Variants in CXADR observed in about 807,000 individuals in gnomAD.
CXADR encodes the protein coxsackievirus and adenovirus receptor.
Under a neutral mutation model 40.3 loss-of-function variants are expected in CXADR, and 20 were observed. That is an observed-to-expected ratio of 0.50 (90% CI 0.35 to 0.72). The LOEUF is 0.72. CXADR is among the 30% of genes least tolerant of loss of function. The pLI, the probability that CXADR is intolerant of heterozygous loss-of-function variation, is 0.01. For missense variants in CXADR, 332 were observed against 449.1 expected, an observed-to-expected ratio of 0.74 and a Z score of 2.36; for synonymous variants, 150 against 161.3, an observed-to-expected ratio of 0.93 and a Z score of 0.53.
chr21:17,630,177 C>A, the CXADR span, among the ~76,000 whole-genome samples: 2 of 152,094 alleles, frequency 1.3e-5, no homozygotes, highest in East Asian at 3.9e-4. Flanking sequence ...TATCAAGAGA[C>A]CTAAGAACAG....
chr21:17,612,168 T>C, the CXADR span: 1 of 152,464 alleles, frequency 6.6e-6, no homozygotes, highest in Non-Finnish European at 1.5e-5. Flanking sequence ...CAATCCCGGT[T>C]TTCCCCAAGT....
chr21:17,563,960 A>AAAAAAAAAAAAAAAAAAAAAAAAAAAAC (rs2061164338), intron 6 of CXADR, among the ~76,000 whole-genome samples: 1 of 149,064 alleles, frequency 6.7e-6, no homozygotes, highest in Non-Finnish European at 1.5e-5. Flanking sequence ...AAAAAAAAAA[A>AAAAAAAAAAAAAAAAAAAAAAAAAAAAC]AGGTATTGAT....
intron 1 of CXADR, among the ~76,000 whole-genome samples, chr21:17,528,587 T>C (rs2060629249): frequency 1.3e-5 from 2 of 151,692 alleles, no homozygotes; most frequent in South Asian, 4.2e-4. Flanking sequence ...TTGTATTTTT[T>C]AGTAGAGACG....
chr21:17,578,299 T>A (rs1453837132), intron 7 of CXADR, among the ~76,000 whole-genome samples: 1 of 152,210 alleles, frequency 6.6e-6, no homozygotes, highest in East Asian at 1.9e-4. Flanking sequence ...TTTGGTTTGT[T>A]TTTGTCTGTT....
At chr21:17,517,004 GAA>G (rs951287508) in intron 1 of CXADR, among the ~76,000 whole-genome samples, 1 of 151,694 alleles carries the variant, frequency 6.6e-6, no homozygotes, top group African/African-American at 2.4e-5. Context: ...GTGTTTGGAT[GAA>G]AAAAAATACA....
the CXADR span, among the ~76,000 whole-genome samples, chr21:17,631,648 G>T: frequency 6.6e-6 from 1 of 152,164 alleles, no homozygotes; most frequent in Admixed American, 6.5e-5. Flanking sequence ...TTCTCTTAGA[G>T]ACCTGGTGAG....
intron 7 of CXADR, among the ~76,000 whole-genome samples, chr21:17,583,391 T>A (rs1472601887): frequency 6.6e-6 from 1 of 152,228 alleles, no homozygotes; most frequent in Non-Finnish European, 1.5e-5. Flanking sequence ...TAGGCTGTTT[T>A]AAATGTTAAA....
chr21:17,592,252 G>A (rs2061444012), intron 7 of CXADR, among the ~76,000 whole-genome samples: 1 of 151,846 alleles, frequency 6.6e-6, no homozygotes, highest in African/African-American at 2.4e-5. Context: ...TATCCTTGGA[G>A]GATTTGTTCC....
chr21:17,569,405 G>A lies in CXADR; in HGVS notation c.*3713G>A, dbSNP rs893240784. 2 of 984,464 alleles carry A rather than the reference G, an allele frequency of 2.0e-6. No homozygotes were observed. Among genetic ancestry groups the A allele is most frequent in the African/African-American group, 3.5e-5 (2 of 57,062 alleles). The allele number at this position is 984,464 out of a possible 1,614,324, so 61.0% of individuals were successfully genotyped here. ...GTACATATATCTTTATAACATTCCTGTGTTTAGTAGTGTAAATGTTCTGGG... is the reference window on the plus strand; with the variant it reads ...GTACATATATCTTTATAACATTCCTATGTTTAGTAGTGTAAATGTTCTGGG... On this transcript the variant is annotated 3_prime_UTR_variant, in exon 7 of 7. Coordinates refer to ENST00000284878, the MANE Select transcript of CXADR (RefSeq NM_001338.5).
the CXADR span, among the ~76,000 whole-genome samples, chr21:17,621,015 C>A: frequency 6.6e-6 from 1 of 152,282 alleles, no homozygotes; most frequent in East Asian, 1.9e-4. Flanking sequence ...CTCTAAAAAA[C>A]CTCAGTTTTT....
the CXADR span, among the ~76,000 whole-genome samples, chr21:17,619,773 T>G: frequency 8.9e-6 from 1 of 112,636 alleles, no homozygotes; most frequent in African/African-American, 3.4e-5. Flanking sequence ...TAGCTAGATC[T>G]TCTGGATAAA....
the CXADR span, among the ~76,000 whole-genome samples, chr21:17,610,557 T>C: frequency 2.6e-5 from 4 of 152,168 alleles, no homozygotes; most frequent in African/African-American, 9.7e-5. Flanking sequence ...ACTTTAAAAA[T>C]GGTATATCTG....
chr21:17,575,312 T>C (rs1268561627), intron 7 of CXADR, among the ~76,000 whole-genome samples: 1 of 151,892 alleles, frequency 6.6e-6, no homozygotes, highest in Non-Finnish European at 1.5e-5. Context: ...GCCTCTCAAG[T>C]AGCTGGGATA....
chr21:17,560,583 G>A, intron 4 of CXADR, 119 bp from the exon 5 acceptor site: 1 of 947,240 alleles, frequency 1.1e-6, no homozygotes. Flanking sequence ...CTTGCATCCA[G>A]CCTTGGTCTG....
At chr21:17,550,330 G>C (rs1250200916) in intron 2 of CXADR, among the ~76,000 whole-genome samples, 2 of 147,442 alleles carry the variant, frequency 1.4e-5, no homozygotes, top group African/African-American at 5.0e-5. Flanking sequence ...CTCCTGCCTG[G>C]GCGATAGAAC....
At chr21:17,573,658 C>G (rs1251327214), downstream of CXADR, among the ~76,000 whole-genome samples, 3 of 152,212 alleles carry the variant, frequency 2.0e-5, no homozygotes, top group Non-Finnish European at 4.4e-5. Context: ...CCTGTAATCT[C>G]TGCACTTTGG....
intron 7 of CXADR, chr21:17,576,750 T>C (rs1479365437): frequency 6.6e-6 from 1 of 152,268 alleles, no homozygotes; most frequent in Non-Finnish European, 1.5e-5. Flanking sequence ...GAAAAATAAA[T>C]GTCTCTACTC....
intron 1 of CXADR, among the ~76,000 whole-genome samples, chr21:17,540,962 AAT>A (rs776278278): frequency 2.0e-5 from 3 of 152,104 alleles, no homozygotes; most frequent in Non-Finnish European, 4.4e-5. Flanking sequence ...CTTTTTTAAA[AAT>A]AGACTTTATT....
At chr21:17,627,617 T>C in the CXADR span, among the ~76,000 whole-genome samples, 28 of 152,246 alleles carry the variant, frequency 1.8e-4, no homozygotes, top group Admixed American at 7.2e-4. Context: ...CTCTACAAAA[T>C]ATTTAAAAGT....
Sources: allele counts gnomAD v4.1 joint callset (sites outside exome capture counted in the v4.1 genomes callset), GRCh38; gene constraint gnomAD v4.1.1; transcripts MANE v1.5; gene names NCBI Gene and HGNC (gene_info 2026-07-23, HGNC 2026-07-21).